The following MYO16 variants were observed in gnomAD, a reference collection of about 807,000 sequenced individuals.
MYO16 encodes myosin XVI.
MYO16 carries 94 observed loss-of-function variants against 205.3 expected under a neutral mutation model. The ratio of observed to expected loss-of-function variants is 0.46; its 90% CI spans 0.39 to 0.54. The LOEUF (loss-of-function observed/expected upper bound fraction) is 0.54. Ranked by LOEUF, MYO16 falls within the 20% of genes least tolerant of loss-of-function variation. The probability of loss-of-function intolerance (pLI) is 0.00; values close to 1 mark genes in which losing one functional copy is unlikely to be tolerated. For missense variants in MYO16, 2,315 were observed against 2,387.5 expected (o/e 0.97, Z 0.63); for synonymous variants, 988 against 954.0 (o/e 1.04, Z -0.66).
chr13:108,524,324 AAATAAAT>A, the MYO16 span, among the ~76,000 whole-genome samples: 1 of 151,456 alleles, frequency 6.6e-6, no homozygotes, highest in Non-Finnish European at 1.5e-5. Flanking sequence ...ATAAATAAAT[AAATAAAT>A]AATAAAAAAT....
At chr13:109,163,505 TCCCTCCCTC>T (rs1878492444) in intron 32 of MYO16, among the ~76,000 whole-genome samples, 1 of 46,894 alleles carries the variant, frequency 2.1e-5, no homozygotes, top group Non-Finnish European at 4.3e-5. Context: ...CCTCCTTCCC[TCCCTCCCTC>T]CCACCTCCCT....
At chr13:109,003,531 A>T (rs1001976419) in intron 21 of MYO16, among the ~76,000 whole-genome samples, 8 of 152,270 alleles carry the variant, frequency 5.3e-5, no homozygotes, top group African/African-American at 1.9e-4. Flanking sequence ...GGCCACATCC[A>T]TTTCTGTTAT....
chr13:108,551,471 T>A, the MYO16 span, among the ~76,000 whole-genome samples: 1 of 152,330 alleles, frequency 6.6e-6, no homozygotes, highest in Non-Finnish European at 1.5e-5. Flanking sequence ...CCTGTTTCCA[T>A]CTCACCAGTC....
At chr13:108,580,165 C>CT in the MYO16 span, among the ~76,000 whole-genome samples, 1 of 152,142 alleles carries the variant, frequency 6.6e-6, no homozygotes, top group Non-Finnish European at 1.5e-5. Flanking sequence ...TACTGAAACA[C>CT]TTAAACAGGA....
intron 16 of MYO16, among the ~76,000 whole-genome samples, chr13:108,936,451 G>A (rs1882495887): frequency 6.6e-6 from 1 of 151,882 alleles, no homozygotes; most frequent in Non-Finnish European, 1.5e-5. Context: ...TTCAATGTTG[G>A]GTGATTCTAT....
chr13:108,606,536 CG>C (rs1878965441), intron 1 of MYO16, among the ~76,000 whole-genome samples: 1 of 152,166 alleles, frequency 6.6e-6, no homozygotes, highest in South Asian at 2.1e-4. Context: ...TCTGGGTACA[CG>C]GAAGTCAAGA....
At chr13:109,147,319 T>C (rs1479685021) in intron 32 of MYO16, among the ~76,000 whole-genome samples, 1 of 152,220 alleles carries the variant, frequency 6.6e-6, no homozygotes, top group Non-Finnish European at 1.5e-5. Flanking sequence ...TACCCATTCA[T>C]TGTTTAGCGA....
the MYO16 span, among the ~76,000 whole-genome samples, chr13:108,527,587 A>G: frequency 6.6e-6 from 1 of 152,186 alleles, no homozygotes; most frequent in Non-Finnish European, 1.5e-5. Context: ...ATCATTTTGC[A>G]AGGATTCCTG....
chr13:108,719,639 T>A (rs558571529), intron 3 of MYO16, among the ~76,000 whole-genome samples: 1 of 152,170 alleles, frequency 6.6e-6, no homozygotes, highest in Admixed American at 6.5e-5. Flanking sequence ...CTAACAGATA[T>A]ATGAATGTCT....
intron 31 of MYO16, among the ~76,000 whole-genome samples, chr13:109,137,244 A>G (rs537791004): frequency 1.3e-5 from 2 of 152,314 alleles, no homozygotes; most frequent in South Asian, 4.1e-4. Flanking sequence ...GGAGGGGGCC[A>G]GGCAGAGGCT....
At chr13:108,837,704 A>G (rs1229332852) in intron 9 of MYO16, among the ~76,000 whole-genome samples, 1 of 152,230 alleles carries the variant, frequency 6.6e-6, no homozygotes, top group Non-Finnish European at 1.5e-5. Flanking sequence ...TGATGTCTCC[A>G]TAGTCTTAAG....
At chr13:108,771,259 A>G (rs556601175) in intron 4 of MYO16, among the ~76,000 whole-genome samples, 1 of 152,264 alleles carries the variant, frequency 6.6e-6, no homozygotes, top group South Asian at 2.1e-4. Context: ...CTACGGAGAG[A>G]GAAAAACTAT....
intron 23 of MYO16, among the ~76,000 whole-genome samples, chr13:109,041,487 G>A (rs1360708433): frequency 1.3e-5 from 2 of 152,192 alleles, no homozygotes; most frequent in African/African-American, 4.8e-5. Context: ...CTTAAAGCAT[G>A]TTACACATAG....
chr13:109,127,500 A>G lies in MYO16; in HGVS notation c.4001A>G (p.Tyr1334Cys), dbSNP rs140567887. 22 of 1,613,442 alleles carry G rather than the reference A, an allele frequency of 1.4e-5. No individual in the cohort carries two copies. In the East Asian group the frequency reaches 3.3e-4, roughly 25 times the overall value. The change falls in exon 31 of 35, where the codon TAT becomes TGT. Residue 1334 changes from tyrosine (Y) to cysteine (C), a missense_variant. Transcript: ENST00000457511. The surrounding 1 kb of genome is among the most constrained non-coding windows in gnomAD (Gnocchi z 4.2). ...CCCAACACCCGGCTGAGTGCTTCCT[A>G]TGAGGCTGTGAGCGCCTGCCTCTCC... Reference protein sequence around the residue: ...RDPNTRLSASYEAVSACLSAA... With the variant: ...RDPNTRLSASCEAVSACLSAA...
chr13:108,995,387 A>G (rs1227891835), intron 21 of MYO16, among the ~76,000 whole-genome samples: 1 of 152,174 alleles, frequency 6.6e-6, no homozygotes, highest in African/African-American at 2.4e-5. Flanking sequence ...ATTGTGGAGG[A>G]ACACATTCAG....
At chr13:109,058,826 G>A (rs964589215) in intron 27 of MYO16, among the ~76,000 whole-genome samples, 1 of 152,120 alleles carries the variant, frequency 6.6e-6, no homozygotes, top group African/African-American at 2.4e-5. Flanking sequence ...AGAGTAGAAC[G>A]TCTTTCAAAA....
intron 12 of MYO16, among the ~76,000 whole-genome samples, chr13:108,876,215 A>T (rs1033551264): frequency 1.3e-5 from 2 of 152,180 alleles, no homozygotes; most frequent in African/African-American, 2.4e-5. Context: ...AAAATGAAAA[A>T]AGTTCAAGCA....
At chr13:108,718,194 A>G (rs1263465212) in intron 3 of MYO16, among the ~76,000 whole-genome samples, 1 of 152,150 alleles carries the variant, frequency 6.6e-6, no homozygotes, top group Non-Finnish European at 1.5e-5. Context: ...GATTCTAGAG[A>G]AAATGCCTAG....
chr13:108,508,919 G>A, the MYO16 span, among the ~76,000 whole-genome samples: 3 of 152,174 alleles, frequency 2.0e-5, no homozygotes, highest in African/African-American at 7.2e-5. Context: ...ATAGACTGGA[G>A]TTTAGTTTAA....
Sources: gnomAD v4.1 joint callset for allele counts (sites outside exome capture counted in the v4.1 genomes callset) on GRCh38, gnomAD v4.1.1 for gene constraint, Gnocchi (gnomAD v3.1) non-coding constraint, MANE v1.5 for transcripts, NCBI Gene and HGNC (gene_info 2026-07-23, HGNC 2026-07-21) for gene names.